The following SRRM1 variants were observed in gnomAD, a reference collection of about 807,000 sequenced individuals.
SRRM1 encodes serine/arginine repetitive matrix protein 1.
In SRRM1, 19 loss-of-function variants were observed where a neutral mutation model predicts 110.2. The observed-to-expected ratio is 0.17, with a 90% CI of 0.12 to 0.25. The LOEUF (loss-of-function observed/expected upper bound fraction) is 0.25, where lower values mean the gene tolerates loss of function less well. Ranked by LOEUF, SRRM1 falls within the 10% of genes least tolerant of loss-of-function variation. The pLI, the probability that SRRM1 is intolerant of heterozygous loss-of-function variation, is 1.00. For missense variants in SRRM1, 918 were observed against 1,145.8 expected (o/e 0.80, Z 2.87); for synonymous variants, 443 against 414.9 (o/e 1.07, Z -0.82).
intron 8 of SRRM1, among the ~76,000 whole-genome samples, chr1:24,653,893 AAG>A (rs1292210548): frequency 2.0e-5 from 3 of 152,198 alleles, no homozygotes; most frequent in Non-Finnish European, 1.5e-5. Context: ...TTTGGAAATA[AAG>A]AGGGGAAAAA....
chr1:24,653,062 G>C, intron 8 of SRRM1, 30 bp downstream of exon 8: 1 of 1,599,228 alleles, frequency 6.3e-7, no homozygotes, highest in Non-Finnish European at 8.5e-7. Flanking sequence ...GAAGTGTCAA[G>C]TGTTTGACAC....
At chr1:24,664,767 T>C (rs1401193847) in intron 12 of SRRM1, among the ~76,000 whole-genome samples, 1 of 152,204 alleles carries the variant, frequency 6.6e-6, no homozygotes, top group African/African-American at 2.4e-5. Flanking sequence ...AAGCATTCCT[T>C]TCCCAGCTAT....
At chr1:24,649,529 G>C (rs1659363246) in intron 4 of SRRM1, among the ~76,000 whole-genome samples, 1 of 152,196 alleles carries the variant, frequency 6.6e-6, no homozygotes, top group South Asian at 2.1e-4. Context: ...ATGTTGGCCA[G>C]ACTTGTCTCG....
At chr1:24,646,218 C>G (rs1207825278) in intron 2 of SRRM1, 145 bp downstream of exon 2, 4 of 632,368 alleles carry the variant, frequency 6.3e-6, no homozygotes, top group Non-Finnish European at 8.3e-6. Flanking sequence ...CCACACGTGG[C>G]ACAGCCATAT....
chr1:24,669,050 C>A, intron 13 of SRRM1, 73 bp from the exon 14 acceptor site: 1 of 1,309,064 alleles, frequency 7.6e-7, no homozygotes, highest in South Asian at 1.4e-5. Flanking sequence ...TATAGCCAAA[C>A]CTACTGATTA....
At chr1:24,668,746 C>T (rs6698591) in intron 13 of SRRM1, among the ~76,000 whole-genome samples, 5,334 of 152,224 alleles carry the variant, frequency 0.035, 293 homozygotes, top group African/African-American at 0.12. Context: ...TTTGCTAATA[C>T]AGTTACTTGG....
chr1:24,643,751 G>A lies in SRRM1; in HGVS notation c.21+404G>A, dbSNP rs1256054389. On this transcript the variant is annotated intron_variant, in intron 1 of 16. Transcript: ENST00000323848. ...CCCTAAGGTCACTGGTGGCGGCAGGGCAGGGAGAATATGGTTTGGGGGTAC... is the reference window on the plus strand; with the variant it reads ...CCCTAAGGTCACTGGTGGCGGCAGGACAGGGAGAATATGGTTTGGGGGTAC... The A allele has an allele frequency of 1.4e-5, 3 of 220,618 alleles. No individual in the cohort carries two copies. In the East Asian group the frequency reaches 2.9e-4, roughly 21 times the overall value. The allele number at this position is 220,618 out of a possible 1,614,324, so 13.7% of individuals were successfully genotyped here. A position where few individuals can be genotyped will look rare whatever the true frequency, so the allele number is the denominator to read the frequency against.
intron 6 of SRRM1, among the ~76,000 whole-genome samples, chr1:24,652,029 A>ATATATATAT (rs1661006949): frequency 2.5e-5 from 2 of 79,846 alleles, no homozygotes; most frequent in East Asian, 4.8e-4. Flanking sequence ...CTGTACTAAA[A>ATATATATAT]ATATATATAT....
At chr1:24,658,533 A>G (rs1465643850) in intron 9 of SRRM1, among the ~76,000 whole-genome samples, 2 of 152,330 alleles carry the variant, frequency 1.3e-5, no homozygotes, top group East Asian at 3.9e-4. Flanking sequence ...ACTATCTTGT[A>G]AGCATAACCA....
intron 2 of SRRM1, among the ~76,000 whole-genome samples, chr1:24,646,331 T>C (rs1657559045): frequency 6.6e-6 from 1 of 152,054 alleles, no homozygotes; most frequent in African/African-American, 2.4e-5. Context: ...ATTGAGACCA[T>C]CCTGGCTAAC....
chr1:24,661,705 AAAAAGG>A (rs1667298001), intron 11 of SRRM1, among the ~76,000 whole-genome samples: 1 of 152,242 alleles, frequency 6.6e-6, no homozygotes, highest in African/African-American at 2.4e-5. Context: ...GTGCATATAG[AAAAAGG>A]AAAAGAAAAA....
At chr1:24,650,201 G>A in intron 5 of SRRM1, 115 bp downstream of exon 5, 2 of 1,002,158 alleles carry the variant, frequency 2.0e-6, no homozygotes, top group Non-Finnish European at 2.7e-6. Flanking sequence ...CCATCATGCA[G>A]TTTTCATGGT....
intron 13 of SRRM1, among the ~76,000 whole-genome samples, chr1:24,667,631 A>G (rs950020907): frequency 1.3e-5 from 2 of 152,336 alleles, no homozygotes; most frequent in African/African-American, 4.8e-5. Flanking sequence ...ATGAAAGACA[A>G]TGACAGAAAC....
At position 24,670,296 on chromosome 1, in the gene SRRM1, C is replaced by G; in HGVS notation, c.2381C>G (p.Pro794Arg). The G allele has an allele frequency of 6.2e-7, 1 of 1,612,504 alleles. No individual in the cohort carries two copies. The highest frequency in any genetic ancestry group is 8.5e-7 in the Non-Finnish European group (1 of 1,179,488). Residue 794 changes from proline (P) to arginine (R), a missense_variant, in exon 15 of 17, where the codon CCG becomes CGG. Physicochemically the swap from Pro to Arg is moderately radical, Grantham distance 103. This residue lies in a region of SRRM1 where 357 missense variants were observed against 402.9 expected (regional missense o/e 0.89). Transcript: ENST00000323848. ...VPVKKAKSPT[P>R]SPSPPRNSDQ... ...GTCAAAAAGGCCAAAAGCCCAACAC[C>G]GAGCCCATCACCGCCAAGAGTATGT...
chr1:24,649,691 T>TTTTTTA (rs1388037606), intron 4 of SRRM1, among the ~76,000 whole-genome samples: 1 of 152,166 alleles, frequency 6.6e-6, no homozygotes, highest in African/African-American at 2.4e-5. Flanking sequence ...TTTTATTTTA[T>TTTTTTA]TTTTTATTTT....
At chr1:24,662,524 T>A (rs111242816) in intron 11 of SRRM1, 136 bp from the exon 12 acceptor site, 2 of 663,030 alleles carry the variant, frequency 3.0e-6, no homozygotes, top group South Asian at 4.8e-5. Context: ...ATATTGATAA[T>A]GATTCTGTTC....
At chr1:24,651,281 A>AT (rs1294613507) in intron 5 of SRRM1, 128 bp from the exon 6 acceptor site, 2 of 737,862 alleles carry the variant, frequency 2.7e-6, no homozygotes, top group African/African-American at 1.8e-5. Context: ...AGCATGTCTT[A>AT]TTTCCATAGG....
At chr1:24,646,542 T>C in intron 2 of SRRM1, 125 bp from the exon 3 acceptor site, 1 of 711,330 alleles carries the variant, frequency 1.4e-6, no homozygotes, top group Non-Finnish European at 2.2e-6. Flanking sequence ...AAAAAAAAAT[T>C]AGCAGATTCT....
At chr1:24,646,882 A>G in intron 3 of SRRM1, 93 bp downstream of exon 3, 12 of 1,017,354 alleles carry the variant, frequency 1.2e-5, no homozygotes, top group Non-Finnish European at 1.7e-5. Context: ...GCAAATATAG[A>G]AGGGTTATTT....
Sources: gnomAD v4.1 joint callset for allele counts (sites outside exome capture counted in the v4.1 genomes callset) on GRCh38, gnomAD v4.1.1 for gene constraint, gnomAD v4.1.1 regional missense constraint, MANE v1.5 for transcripts, NCBI Gene and HGNC (gene_info 2026-07-23, HGNC 2026-07-21) for gene names.